The following NMNAT2 variants were observed in gnomAD, a reference collection of about 807,000 sequenced individuals.
NMNAT2 encodes nicotinamide nucleotide adenylyltransferase 2.
NMNAT2 carries 11 observed loss-of-function variants against 41.6 expected under a neutral mutation model. That is an observed-to-expected ratio of 0.26 (90% CI 0.17 to 0.44). The LOEUF is 0.44. NMNAT2 is among the 20% of genes least tolerant of loss of function. The pLI, the probability that NMNAT2 is intolerant of heterozygous loss-of-function variation, is 1.00. For missense variants in NMNAT2, 288 were observed against 407.7 expected (o/e 0.71, Z 2.53); for synonymous variants, 148 against 151.2 (o/e 0.98, Z 0.16).
Position 183,314,775 on chromosome 1 carries a change from A to G in NMNAT2, c.86-20982T>C, listed in dbSNP as rs12046886. Among the ~76,000 whole-genome samples the G allele has an allele frequency of 8.2e-3, 1,254 of 152,328 alleles. 11 individuals are homozygous for G. The highest frequency in any genetic ancestry group is 0.012 in the Non-Finnish European group (816 of 68,022). ...ATACGTATAATCTCAGCTACTCAAGAAGCTGAGGCAGGAGCCTTCCTTGAG... is the reference window on the plus strand; with the variant it reads ...ATACGTATAATCTCAGCTACTCAAGGAGCTGAGGCAGGAGCCTTCCTTGAG... On this transcript the variant is annotated intron_variant, in intron 1 of 10. Coordinates refer to ENST00000287713, the MANE Select transcript of NMNAT2 (RefSeq NM_015039.4).
chr1:183,397,241 G>A (rs1476977787), intron 1 of NMNAT2, among the ~76,000 whole-genome samples: 1 of 152,172 alleles, frequency 6.6e-6, no homozygotes, highest in Admixed American at 6.6e-5. Context: ...CAGGGTCGAG[G>A]TTCTGCTGGT....
intron 1 of NMNAT2, among the ~76,000 whole-genome samples, chr1:183,353,702 G>A (rs759801767): frequency 1.3e-5 from 2 of 152,146 alleles, no homozygotes; most frequent in Non-Finnish European, 2.9e-5. Context: ...CAAAGTAGCA[G>A]TTGACTCACC....
intron 1 of NMNAT2, among the ~76,000 whole-genome samples, chr1:183,327,837 GC>G (rs1171172980): frequency 6.6e-6 from 1 of 152,008 alleles, no homozygotes; most frequent in East Asian, 1.9e-4. Flanking sequence ...TTCCCCTTTT[GC>G]CCTGGGAAGC....
intron 1 of NMNAT2, among the ~76,000 whole-genome samples, chr1:183,379,607 C>T (rs2101915125): frequency 6.6e-6 from 1 of 152,196 alleles, no homozygotes; most frequent in African/African-American, 2.4e-5. Context: ...AAGTAGACTT[C>T]AGAACAAGGA....
intron 1 of NMNAT2, among the ~76,000 whole-genome samples, chr1:183,327,201 C>G (rs1012425707): frequency 6.6e-6 from 1 of 152,086 alleles, no homozygotes; most frequent in Non-Finnish European, 1.5e-5. Context: ...CAGGCATGTG[C>G]CACCATACTT....
chr1:183,389,586 A>G (rs1648377246), intron 1 of NMNAT2, among the ~76,000 whole-genome samples: 1 of 151,508 alleles, frequency 6.6e-6, no homozygotes. Context: ...AAGAGGTTAG[A>G]TTAGCAGGGC....
Position 183,407,899 on chromosome 1 carries a change from A to C in NMNAT2, c.85+10284T>G, listed in dbSNP as rs1393937151. Among the ~76,000 whole-genome samples the C allele has an allele frequency of 2.0e-5, 3 of 152,370 alleles. No homozygotes were observed. The East Asian group carries it at 5.8e-4, about 29-fold the overall frequency. ...TCTGAGAAAGTATACCTAATGTTCA[A>C]CAGCAGATAAATGTCCAACATTAGC... On this transcript the variant is annotated intron_variant, in intron 1 of 10. Coordinates refer to ENST00000287713, the MANE Select transcript of NMNAT2 (RefSeq NM_015039.4).
At chr1:183,308,077 C>A (rs1217172346) in intron 1 of NMNAT2, among the ~76,000 whole-genome samples, 2 of 152,172 alleles carry the variant, frequency 1.3e-5, no homozygotes, top group Non-Finnish European at 2.9e-5. Flanking sequence ...GGCATTGGGA[C>A]AGAGGAAGTT....
chr1:183,347,505 T>A (rs1662957700), intron 1 of NMNAT2, among the ~76,000 whole-genome samples: 1 of 152,178 alleles, frequency 6.6e-6, no homozygotes, highest in African/African-American at 2.4e-5. Context: ...CTCATGGGAC[T>A]GTTGAGAGGA....
chr1:183,364,234 C>G (rs1663368053), intron 1 of NMNAT2, among the ~76,000 whole-genome samples: 1 of 152,190 alleles, frequency 6.6e-6, no homozygotes, highest in Admixed American at 6.5e-5. Flanking sequence ...CTTCAGAGCT[C>G]ATAATGCATT....
chr1:183,275,595 GCTAGGATGGGTGTCCTGGGACT>G (rs1393530427), intron 8 of NMNAT2, among the ~76,000 whole-genome samples: 3 of 151,752 alleles, frequency 2.0e-5, no homozygotes, highest in Admixed American at 1.3e-4. Context: ...TCTGAGCATA[GCTAGGATGGGTGTCCTGGGACT>G]CCAGGATGGC....
intron 1 of NMNAT2, among the ~76,000 whole-genome samples, chr1:183,344,883 C>T (rs1437018772): frequency 1.3e-5 from 2 of 152,186 alleles, no homozygotes; most frequent in African/African-American, 2.4e-5. Flanking sequence ...AGATTGAGCA[C>T]AAACCAGTCT....
intron 1 of NMNAT2, among the ~76,000 whole-genome samples, chr1:183,376,293 T>C (rs574202791): frequency 1.3e-5 from 2 of 152,318 alleles, no homozygotes; most frequent in African/African-American, 4.8e-5. Flanking sequence ...GAGGTGAATA[T>C]GACATGATTC....
intron 4 of NMNAT2, among the ~76,000 whole-genome samples, 160 bp downstream of exon 4, chr1:183,289,968 C>G (rs1661495874): frequency 6.6e-6 from 1 of 152,230 alleles, no homozygotes; most frequent in South Asian, 2.1e-4. Context: ...ATGCTGTTCA[C>G]AGGCTGGTCT....
At chr1:183,310,809 A>G (rs1443435696) in intron 1 of NMNAT2, among the ~76,000 whole-genome samples, 1 of 151,840 alleles carries the variant, frequency 6.6e-6, no homozygotes, top group Non-Finnish European at 1.5e-5. Context: ...GAAACTCATA[A>G]TGCCAACACA....
intron 8 of NMNAT2, chr1:183,266,948 A>G (rs948403315): frequency 6.0e-6 from 1 of 165,950 alleles, no homozygotes; most frequent in African/African-American, 2.4e-5. Context: ...CAACAATCGG[A>G]TATGGAAGAC....
chr1:183,262,301 A>G (rs1244020585), intron 8 of NMNAT2, among the ~76,000 whole-genome samples: 6 of 27,856 alleles, frequency 2.2e-4, no homozygotes, highest in Non-Finnish European at 2.8e-4. Context: ...AAGCTTAGAG[A>G]ATCCAGAAAA....
intron 1 of NMNAT2, among the ~76,000 whole-genome samples, chr1:183,307,972 C>T (rs923999358): frequency 1.5e-4 from 23 of 152,308 alleles, no homozygotes; most frequent in African/African-American, 5.3e-4. Context: ...TTTAGTGCTT[C>T]AGCTGAGGTG....
chr1:183,259,913 A>C (rs1471464510), intron 10 of NMNAT2, among the ~76,000 whole-genome samples: 1 of 152,178 alleles, frequency 6.6e-6, no homozygotes, highest in Non-Finnish European at 1.5e-5. Flanking sequence ...CACACCTAGA[A>C]TTTTAACTGA....
Sources: gnomAD v4.1 joint callset for allele counts (sites outside exome capture counted in the v4.1 genomes callset) on GRCh38, gnomAD v4.1.1 for gene constraint, MANE v1.5 for transcripts, NCBI Gene and HGNC (gene_info 2026-07-23, HGNC 2026-07-21) for gene names.